The following LNPEP variants were observed in gnomAD, a reference collection of about 807,000 sequenced individuals.
LNPEP encodes leucyl-cystinyl aminopeptidase.
In LNPEP, 64 loss-of-function variants were observed where a neutral mutation model predicts 120.6. That is an observed-to-expected ratio of 0.53 (90% CI 0.43 to 0.65). The LOEUF (loss-of-function observed/expected upper bound fraction) is 0.65, where lower values mean the gene tolerates loss of function less well. LNPEP is among the 30% of genes least tolerant of loss of function. The probability of loss-of-function intolerance (pLI) is 0.00; values close to 1 mark genes in which losing one functional copy is unlikely to be tolerated. For synonymous variants in LNPEP, 435 were observed against 425.4 expected, an observed-to-expected ratio of 1.02 and a Z score of -0.28; for missense variants, 1,057 against 1,200.0, an observed-to-expected ratio of 0.88 and a Z score of 1.76.
At chr5:96,956,188 C>T (rs1253354625) in intron 1 of LNPEP, among the ~76,000 whole-genome samples, 3 of 152,220 alleles carry the variant, frequency 2.0e-5, no homozygotes, top group Non-Finnish European at 4.4e-5. Context: ...TGAATACAGG[C>T]TTATACAAAG....
At chr5:96,962,789 C>T (rs1020366355) in intron 1 of LNPEP, 4 of 151,654 alleles carry the variant, frequency 2.6e-5, no homozygotes, top group African/African-American at 7.3e-5. Flanking sequence ...TCTGCTGTGC[C>T]GTCTCTTTAT....
chr5:96,949,790 A>G (rs1789281515), intron 1 of LNPEP, among the ~76,000 whole-genome samples: 1 of 152,236 alleles, frequency 6.6e-6, no homozygotes, highest in Non-Finnish European at 1.5e-5. Context: ...TTTGTTGCAC[A>G]CATATTAGAT....
intron 1 of LNPEP, among the ~76,000 whole-genome samples, chr5:96,953,674 A>T (rs1306723830): frequency 6.6e-6 from 1 of 152,158 alleles, no homozygotes; most frequent in African/African-American, 2.4e-5. Flanking sequence ...TAGGATTTTC[A>T]TGTGTTATCT....
intron 1 of LNPEP, among the ~76,000 whole-genome samples, chr5:96,955,810 A>T (rs141130453): frequency 6.6e-5 from 10 of 152,358 alleles, no homozygotes; most frequent in Non-Finnish European, 1.0e-4. Flanking sequence ...GTAAATTCCC[A>T]TAAGTCGATT....
chr5:96,955,919 T>C (rs1398711795), intron 1 of LNPEP, among the ~76,000 whole-genome samples: 1 of 152,254 alleles, frequency 6.6e-6, no homozygotes, highest in East Asian at 1.9e-4. Context: ...CAGTGGTATA[T>C]GACAATGCTG....
At chr5:96,965,441 T>C (rs544069952) in intron 1 of LNPEP, among the ~76,000 whole-genome samples, 2 of 151,718 alleles carry the variant, frequency 1.3e-5, no homozygotes, top group Non-Finnish European at 2.9e-5. Flanking sequence ...TTCTTGCGCA[T>C]ACCTAATTTG....
intron 1 of LNPEP, among the ~76,000 whole-genome samples, chr5:96,943,589 C>T (rs1581972848): frequency 6.6e-6 from 1 of 152,192 alleles, no homozygotes; most frequent in East Asian, 1.9e-4. Context: ...GGCCCTGTGG[C>T]CAGCCTACTA....
Position 97,032,769 on chromosome 5 carries a change from G to A in LNPEP, c.*4236G>A, listed in dbSNP as rs1413786732. 5 of 152,104 alleles carry A rather than the reference G, an allele frequency of 3.3e-5. No individual in the cohort carries two copies. The highest frequency in any genetic ancestry group is 1.2e-4 in the African/African-American group (5 of 41,402). The allele number at this position is 152,104 out of a possible 1,614,324, so 9.4% of individuals were successfully genotyped here. On this transcript the variant is annotated 3_prime_UTR_variant, in exon 18 of 18. Transcript: ENST00000231368. The stretch of plus-strand genomic sequence containing the variant: ...TTTTGTGGACGTGTAGATAAAACGC[G>A]GTGGTCCAAAAGCATGACAGATGTC...
chr5:96,968,741 C>A (rs952903198), intron 1 of LNPEP, among the ~76,000 whole-genome samples: 1 of 152,024 alleles, frequency 6.6e-6, no homozygotes, highest in Non-Finnish European at 1.5e-5. Context: ...AGCCTATGGG[C>A]TGCAGAGAAG....
Position 96,998,025 on chromosome 5 carries a change from CT to C in LNPEP, c.1535del (p.Leu512Ter). ...FKELSSYEDF[L>X]DARFKTMKKD... ...TCATTTTTTGACAGTATGAAGATTTCTTAGATGCTCGATTTAAAACCATGAA... is the reference window on the plus strand; with the variant it reads ...TCATTTTTTGACAGTATGAAGATTTCTAGATGCTCGATTTAAAACCATGAA... On this transcript the variant is annotated frameshift_variant, in exon 8 of 18. Coordinates refer to ENST00000231368, the MANE Select transcript of LNPEP (RefSeq NM_005575.3). LOFTEE classifies it high-confidence loss of function. 6.4e-7 allele frequency: 1 copy of C among 1,569,416 alleles called. No individual in the cohort carries two copies. The highest frequency in any genetic ancestry group is 1.2e-5 in the South Asian group (1 of 86,890).
rs1436169222 is a variant in LNPEP at position 96,998,160 on chromosome 5, A to C, written c.1653+15A>C. 1.3e-6 allele frequency: 2 copies of C among 1,576,698 alleles called. No homozygotes were observed. Among genetic ancestry groups the C allele is most frequent in the Non-Finnish European group, 1.7e-6 (2 of 1,165,624 alleles). On this transcript the variant is annotated intron_variant, in intron 8 of 17. Transcript: ENST00000231368. Reference sequence around the variant, plus strand: ...CCTATTTTAAGGTATTGCTGTGAACAAAAAGGTAGCTGGAGTGGGTTTAAA... The same window carrying C: ...CCTATTTTAAGGTATTGCTGTGAACCAAAAGGTAGCTGGAGTGGGTTTAAA...
At chr5:96,943,672 T>A (rs961673497) in intron 1 of LNPEP, among the ~76,000 whole-genome samples, 14 of 152,192 alleles carry the variant, frequency 9.2e-5, no homozygotes, top group African/African-American at 3.1e-4. Flanking sequence ...TTAATTTTTT[T>A]AAAATTCCAT....
Position 97,015,081 on chromosome 5 carries a change from G to A in LNPEP, c.2362G>A (p.Ala788Thr), listed in dbSNP as rs1791032506. The A allele has an allele frequency of 6.4e-7, 1 of 1,568,416 alleles. No individual in the cohort carries two copies. Among genetic ancestry groups the A allele is most frequent in the Non-Finnish European group, 8.6e-7 (1 of 1,160,376 alleles). Reference protein sequence around the residue: ...LLEKLGYMDLASRLVTRVFKL... With the variant: ...LLEKLGYMDLTSRLVTRVFKL... ...TGAAAAACTGGGATACATGGATCTG[G>A]CCTCAAGACTGGTGGTAAGTCTGCC... The change falls in exon 13 of 18, where the codon GCC (alanine) becomes ACC (threonine). Residue 788 changes from alanine (A) to threonine (T), a missense_variant. Transcript: ENST00000231368.
intron 1 of LNPEP, among the ~76,000 whole-genome samples, chr5:96,950,775 CTTAAA>C (rs1789300472): frequency 6.6e-6 from 1 of 152,170 alleles, no homozygotes. Context: ...GGCCACACAA[CTTAAA>C]TTATTGTGTG....
chr5:96,945,405 C>CAAA (rs751074987), intron 1 of LNPEP, among the ~76,000 whole-genome samples: 2 of 65,286 alleles, frequency 3.1e-5, no homozygotes, highest in Non-Finnish European at 6.0e-5. Context: ...GACCCTATCT[C>CAAA]AAAAAAAAAA....
chr5:96,971,377 G>GTT (rs1581993827), intron 1 of LNPEP, among the ~76,000 whole-genome samples: 1 of 151,212 alleles, frequency 6.6e-6, no homozygotes, highest in East Asian at 1.9e-4. Flanking sequence ...GTGTGTGTGT[G>GTT]TGTGTGTATT....
intron 2 of LNPEP, 136 bp downstream of exon 2, chr5:96,980,114 G>T (rs1035243958): frequency 1.3e-6 from 1 of 789,856 alleles, no homozygotes; most frequent in Non-Finnish European, 1.9e-6. Context: ...TAGTAGAATG[G>T]TGATTTAGAA....
intron 1 of LNPEP, among the ~76,000 whole-genome samples, chr5:96,971,612 T>C (rs958332864): frequency 3.3e-5 from 5 of 152,052 alleles, no homozygotes; most frequent in Admixed American, 6.6e-5. Context: ...GTTCTTCAAA[T>C]TGGTAATTTC....
chr5:96,955,528 T>A (rs1789446495), intron 1 of LNPEP, among the ~76,000 whole-genome samples: 1 of 152,116 alleles, frequency 6.6e-6, no homozygotes, highest in Non-Finnish European at 1.5e-5. Context: ...GTCAGGAGAA[T>A]CACTTGAACC....
Sources: gnomAD v4.1 joint callset for allele counts (sites outside exome capture counted in the v4.1 genomes callset) on GRCh38, gnomAD v4.1.1 for gene constraint, MANE v1.5 for transcripts, NCBI Gene and HGNC (gene_info 2026-07-23, HGNC 2026-07-21) for gene names.